SCN3A: variants seen among roughly 807,000 people sequenced by gnomAD.
SCN3A encodes sodium voltage-gated channel alpha subunit 3, also known as sodium channel protein type 3 subunit alpha.
Under a neutral mutation model 187.6 loss-of-function variants are expected in SCN3A, and 60 were observed. The ratio of observed to expected loss-of-function variants is 0.32; its 90% CI spans 0.26 to 0.40. The LOEUF is 0.40. Ranked by LOEUF, SCN3A falls within the 10% of genes least tolerant of loss-of-function variation. SCN3A has a pLI of 1.00. For synonymous variants in SCN3A, 788 were observed against 829.2 expected, an observed-to-expected ratio of 0.95 and a Z score of 0.85; for missense variants, 1,601 against 2,428.2, an observed-to-expected ratio of 0.66 and a Z score of 7.16.
At chr2:165,142,766 T>TG (rs61503653) in intron 12 of SCN3A, among the ~76,000 whole-genome samples, 11 of 149,880 alleles carry the variant, frequency 7.3e-5, no homozygotes, top group African/African-American at 2.7e-4. Context: ...TTGTTGTTGT[T>TG]TTGAGGCAGA....
chr2:165,138,724 A>G (rs1260091729), intron 14 of SCN3A, among the ~76,000 whole-genome samples: 1 of 152,202 alleles, frequency 6.6e-6, no homozygotes, highest in Non-Finnish European at 1.5e-5. Flanking sequence ...GAGGCCTGTT[A>G]CAAAATAATT....
At chr2:165,165,591 T>G (rs575150526) in intron 5 of SCN3A, among the ~76,000 whole-genome samples, 1 of 152,294 alleles carries the variant, frequency 6.6e-6, no homozygotes, top group East Asian at 1.9e-4. Flanking sequence ...CCAAAATAGT[T>G]GAGAGTACTT....
chr2:165,164,609 G>T, intron 5 of SCN3A, 89 bp from the exon 6 acceptor site: 1 of 1,432,462 alleles, frequency 7.0e-7, no homozygotes, highest in Non-Finnish European at 9.6e-7. Flanking sequence ...ATCCTTTTGT[G>T]GTTTTTCAAT....
At chr2:165,179,664 G>A (rs939678532) in intron 2 of SCN3A, 1 of 152,186 alleles carries the variant, frequency 6.6e-6, no homozygotes, top group African/African-American at 2.4e-5. Flanking sequence ...TCGGAAGATA[G>A]GCTAGTTCCA....
At chr2:165,190,813 C>T (rs545611855) in intron 1 of SCN3A, among the ~76,000 whole-genome samples, 112 of 151,740 alleles carry the variant, frequency 7.4e-4, no homozygotes, top group African/African-American at 2.7e-3. Flanking sequence ...TGTATCCTAA[C>T]ATTGAAAATA....
chr2:165,125,470 A>AT (rs546014186), intron 18 of SCN3A, among the ~76,000 whole-genome samples: 7 of 151,796 alleles, frequency 4.6e-5, no homozygotes, highest in South Asian at 2.1e-4. Flanking sequence ...CACCCAGCGA[A>AT]TTTTTTTGTA....
chr2:165,187,670 C>T (rs1691328246), intron 1 of SCN3A, among the ~76,000 whole-genome samples: 1 of 152,128 alleles, frequency 6.6e-6, no homozygotes, highest in African/African-American at 2.4e-5. Flanking sequence ...GGTTTCAAAA[C>T]ACATATCCTA....
At chr2:165,177,226 C>T (rs1399846300) in intron 2 of SCN3A, among the ~76,000 whole-genome samples, 1 of 152,172 alleles carries the variant, frequency 6.6e-6, no homozygotes, top group Non-Finnish European at 1.5e-5. Flanking sequence ...TTGACGTTTT[C>T]CCTGAATCTT....
intron 22 of SCN3A, among the ~76,000 whole-genome samples, chr2:165,098,499 G>A (rs1685462580): frequency 6.6e-6 from 1 of 152,152 alleles, no homozygotes; most frequent in Non-Finnish European, 1.5e-5. Flanking sequence ...TAAGCCATAT[G>A]CATTATACTT....
chr2:165,143,598 C>G (rs1688147114), intron 12 of SCN3A, among the ~76,000 whole-genome samples: 1 of 152,156 alleles, frequency 6.6e-6, no homozygotes, highest in Non-Finnish European at 1.5e-5. Flanking sequence ...GAAGATGCAG[C>G]AGAGTGGAGG....
intron 21 of SCN3A, among the ~76,000 whole-genome samples, chr2:165,110,091 C>T (rs537865989): frequency 6.6e-6 from 1 of 152,270 alleles, no homozygotes; most frequent in Non-Finnish European, 1.5e-5. Context: ...CCCTCCGCTT[C>T]CCCAAACACG....
At chr2:165,129,799 G>A in intron 17 of SCN3A, 141 bp downstream of exon 17, 2 of 1,021,218 alleles carry the variant, frequency 2.0e-6, no homozygotes, top group Admixed American at 1.8e-5. Context: ...TAAATAACTT[G>A]CTTATTCTCT....
intron 1 of SCN3A, among the ~76,000 whole-genome samples, chr2:165,193,494 A>T (rs1284426840): frequency 1.3e-5 from 2 of 152,066 alleles, no homozygotes; most frequent in Non-Finnish European, 2.9e-5. Context: ...ACAATCCTTG[A>T]TCCCTTTCCT....
chr2:165,132,764 A>T (rs972446438), intron 15 of SCN3A, among the ~76,000 whole-genome samples: 2 of 152,212 alleles, frequency 1.3e-5, no homozygotes, highest in Admixed American at 6.5e-5. Context: ...TGGCGACAAA[A>T]GCCAAAATTG....
rs761889365 is a variant in SCN3A at position 165,146,862 on chromosome 2, G to A, written c.1548C>T (p.Asn516=). The A allele has an allele frequency of 2.4e-5, 38 of 1,614,010 alleles. No homozygotes were observed. The highest frequency in any genetic ancestry group is 3.2e-5 in the Non-Finnish European group (38 of 1,179,948). The change falls in exon 12 of 28, where the codon AAC becomes AAT. Residue 516 remains asparagine (N), a synonymous_variant. Coordinates refer to ENST00000283254, the MANE Select transcript of SCN3A (RefSeq NM_006922.4). ...TGGGAAAGCTGTCTCTCTCTCCTTT[G>A]TTGTTTCCTTCAAGGTGCTCTCTCT... is the stretch of plus-strand genomic sequence containing the variant. ...RRQREHLEGN[N]KGERDSFPKS... is the part of the protein sequence containing the mutation.
intron 21 of SCN3A, among the ~76,000 whole-genome samples, chr2:165,107,947 C>T (rs797017214): frequency 3.3e-4 from 50 of 152,264 alleles, no homozygotes; most frequent in African/African-American, 1.1e-3. Context: ...GGTACCAAAT[C>T]CAGCTTGGCC....
rs1365730211 is a variant in SCN3A, at chr2:165,089,537, A to G, written c.*613T>C. ...CTGTTCAGATAGAAACAAACATAAC[A>G]GACTAAAATACTTTCAAAATTAAAG... On this transcript the variant is annotated 3_prime_UTR_variant, in exon 28 of 28. Coordinates refer to ENST00000283254, the MANE Select transcript of SCN3A (RefSeq NM_006922.4). The G allele has an allele frequency of 6.5e-6, 1 of 153,164 alleles. No homozygotes were observed. Among genetic ancestry groups the G allele is most frequent in the Non-Finnish European group, 1.5e-5 (1 of 68,480 alleles). 9.5% of individuals were successfully genotyped at this position (153,164 alleles called of 1,614,324 possible).
intron 11 of SCN3A, among the ~76,000 whole-genome samples, chr2:165,152,656 C>T (rs189329246): frequency 0.019 from 2,849 of 152,216 alleles, 35 homozygotes; most frequent in Non-Finnish European, 0.027. Flanking sequence ...ACACTGTCTT[C>T]CACAATGGTT....
chr2:165,176,085 A>T, intron 3 of SCN3A, 46 bp downstream of exon 3: 1 of 1,582,530 alleles, frequency 6.3e-7, no homozygotes, highest in Non-Finnish European at 8.7e-7. Context: ...TATTACAGTT[A>T]AGAGTTTCAT....
Sources: allele counts gnomAD v4.1 joint callset (sites outside exome capture counted in the v4.1 genomes callset), GRCh38; gene constraint gnomAD v4.1.1; transcripts MANE v1.5; gene names NCBI Gene and HGNC (gene_info 2026-07-23, HGNC 2026-07-21).